Variants in CSMD3 observed in about 807,000 individuals in gnomAD.
CSMD3 encodes CUB and sushi domain-containing protein 3.
A neutral mutation model predicts 435.2 loss-of-function variants in CSMD3; 177 were observed. The observed-to-expected ratio is 0.41, with a 90% confidence interval of 0.36 to 0.46. The LOEUF (loss-of-function observed/expected upper bound fraction) is 0.46, where lower values mean the gene tolerates loss of function less well. Among genes scored for constraint, CSMD3 ranks in the 20% least tolerant of loss-of-function variants. CSMD3 has a pLI of 0.34. For missense variants in CSMD3, 4,265 were observed against 4,504.6 expected (o/e 0.95, Z 1.52); for synonymous variants, 1,656 against 1,520.5 (o/e 1.09, Z -2.07).
At chr8:112,317,299 A>G (rs1320078077) in intron 47 of CSMD3, among the ~76,000 whole-genome samples, 2 of 152,022 alleles carry the variant, frequency 1.3e-5, no homozygotes, top group African/African-American at 4.8e-5. Flanking sequence ...TCTGAATGTT[A>G]TATTTACTTT....
At position 112,487,211 on chromosome 8, in the gene CSMD3, C is replaced by T. The variant is rs139767904; in HGVS notation, c.5278+5278G>A. ...AATCTTTATTCAGGATATAGAGTTG[C>T]AATTTTAGAATAGATATTGATTCTG... On this transcript the variant is annotated intron_variant, in intron 31 of 70. Coordinates refer to ENST00000297405, the MANE Select transcript of CSMD3 (RefSeq NM_198123.2). 1.3e-3 allele frequency among the ~76,000 whole-genome samples: 191 copies of T among 152,198 alleles called. 1 individual carries two copies. The highest frequency in any genetic ancestry group is 4.6e-3 in the African/African-American group (189 of 41,512).
intron 24 of CSMD3, among the ~76,000 whole-genome samples, chr8:112,571,578 A>G (rs1829518603): frequency 6.6e-6 from 1 of 151,788 alleles, no homozygotes; most frequent in Non-Finnish European, 1.5e-5. Context: ...TCAGACAAGC[A>G]GAAATGCAGG....
At chr8:112,506,597 A>G in intron 29 of CSMD3, 94 bp downstream of exon 29, 1 of 1,211,952 alleles carries the variant, frequency 8.3e-7, no homozygotes, top group Non-Finnish European at 1.2e-6. Flanking sequence ...AAAATGCTAT[A>G]TACAGAAATA....
intron 50 of CSMD3, among the ~76,000 whole-genome samples, chr8:112,308,475 T>C (rs935355929): frequency 2.0e-5 from 3 of 151,986 alleles, no homozygotes; most frequent in Admixed American, 2.0e-4. Flanking sequence ...CTATGGATAG[T>C]TAACAATTTA....
intron 9 of CSMD3, among the ~76,000 whole-genome samples, chr8:112,928,051 C>A (rs1564114085): frequency 6.6e-6 from 1 of 152,104 alleles, no homozygotes; most frequent in Non-Finnish European, 1.5e-5. Context: ...CTCCAATACT[C>A]AGCTTCAGAT....
rs181910947 is a variant in CSMD3 at position 112,550,492 on chromosome 8, G to A, written c.4564+179C>T. Reference sequence around the variant, plus strand: ...TCTCAACAATCAATATTCAAAGTTAGTTGTATTACCTTTTTCCCATGTATA... The same window carrying A: ...TCTCAACAATCAATATTCAAAGTTAATTGTATTACCTTTTTCCCATGTATA... On this transcript the variant is annotated intron_variant, in intron 27 of 70. Transcript: ENST00000297405. 3.5e-3 allele frequency among the ~76,000 whole-genome samples: 539 copies of A among 151,928 alleles called. 2 individuals carry two copies. Among genetic ancestry groups the A allele is most frequent in the African/African-American group, 0.012 (516 of 41,492 alleles).
At chr8:112,896,146 G>A (rs972149153) in intron 10 of CSMD3, among the ~76,000 whole-genome samples, 1 of 151,370 alleles carries the variant, frequency 6.6e-6, no homozygotes, top group African/African-American at 2.4e-5. Flanking sequence ...AGGCTCCAGA[G>A]CTTTTACTTG....
intron 5 of CSMD3, among the ~76,000 whole-genome samples, chr8:113,050,178 G>T (rs969805884): frequency 1.3e-5 from 2 of 151,860 alleles, no homozygotes; most frequent in African/African-American, 4.8e-5. Flanking sequence ...ATAGATCTGA[G>T]TAATGTATAT....
chr8:112,862,522 G>A (rs960501593), intron 10 of CSMD3, among the ~76,000 whole-genome samples: 25 of 151,984 alleles, frequency 1.6e-4, no homozygotes, highest in African/African-American at 6.0e-4. Flanking sequence ...AAGAAGACAT[G>A]TAGAACAGAC....
In CSMD3 at chr8:112,685,576, T is replaced by C. The variant is rs780271924; in HGVS notation, c.2312A>G (p.Gln771Arg). Residue 771 changes from glutamine to arginine, a missense_variant, in exon 15 of 71, where the codon CAG becomes CGG. Physicochemically the swap from Gln to Arg is conservative, Grantham distance 43. Transcript: ENST00000297405. ...LSFNDFDLES[Q>R]FDFLAVKDGD... ...ATCTTTAACAGCAAGGAAATCAAAC[T>C]GGGATTCCAGGTCAAAGTCATTGAA... is the stretch of plus-strand genomic sequence containing the variant. The C allele has an allele frequency of 8.1e-6, 13 of 1,613,970 alleles. No individual in the cohort carries two copies. The highest frequency in any genetic ancestry group is 1.1e-5 in the Non-Finnish European group (13 of 1,179,946).
At chr8:112,818,280 A>C (rs1236594040) in intron 12 of CSMD3, among the ~76,000 whole-genome samples, 1 of 152,142 alleles carries the variant, frequency 6.6e-6, no homozygotes, top group Non-Finnish European at 1.5e-5. Context: ...GTGTTTATTA[A>C]AATAATTAGA....
intron 13 of CSMD3, among the ~76,000 whole-genome samples, chr8:112,781,496 G>T (rs549099256): frequency 6.6e-6 from 1 of 152,228 alleles, no homozygotes; most frequent in South Asian, 2.1e-4. Context: ...GGACCAGAAA[G>T]AAACCAACCA....
chr8:112,706,812 C>T (rs2076507976), intron 13 of CSMD3, among the ~76,000 whole-genome samples: 1 of 152,014 alleles, frequency 6.6e-6, no homozygotes, highest in Admixed American at 6.6e-5. Flanking sequence ...GATATACAGT[C>T]AATTAAAGAG....
At chr8:112,425,158 AG>A (rs1173115387) in intron 32 of CSMD3, among the ~76,000 whole-genome samples, 1 of 152,230 alleles carries the variant, frequency 6.6e-6, no homozygotes, top group African/African-American at 2.4e-5. Flanking sequence ...TCATGTAAAT[AG>A]GATCATTATC....
chr8:112,374,640 T>C (rs1828768208), intron 38 of CSMD3, among the ~76,000 whole-genome samples: 1 of 152,214 alleles, frequency 6.6e-6, no homozygotes, highest in African/African-American at 2.4e-5. Context: ...ATATTTACTT[T>C]AATTCAGGAA....
At chr8:112,853,005 T>C (rs2080538327) in intron 11 of CSMD3, among the ~76,000 whole-genome samples, 1 of 152,200 alleles carries the variant, frequency 6.6e-6, no homozygotes, top group South Asian at 2.1e-4. Context: ...TTTTTATTAG[T>C]AATGTTATAT....
At chr8:112,249,095 C>T (rs1057209799) in intron 63 of CSMD3, among the ~76,000 whole-genome samples, 1 of 152,048 alleles carries the variant, frequency 6.6e-6, no homozygotes, top group Non-Finnish European at 1.5e-5. Flanking sequence ...TCAGTCAAAC[C>T]AGTTCTACAA....
At chr8:113,388,992 T>A (rs1258541762) in intron 1 of CSMD3, among the ~76,000 whole-genome samples, 1 of 150,872 alleles carries the variant, frequency 6.6e-6, no homozygotes, top group South Asian at 2.1e-4. Flanking sequence ...TTCTCTTCTC[T>A]TTTTCTACCT....
chr8:112,420,019 T>C (rs969546815), intron 32 of CSMD3, among the ~76,000 whole-genome samples: 2 of 152,226 alleles, frequency 1.3e-5, no homozygotes, highest in Non-Finnish European at 2.9e-5. Context: ...TGTGTGCTTT[T>C]ATTTAATCAC....
Sources: gnomAD v4.1 joint callset for allele counts (sites outside exome capture counted in the v4.1 genomes callset) on GRCh38, gnomAD v4.1.1 for gene constraint, MANE v1.5 for transcripts, NCBI Gene and HGNC (gene_info 2026-07-23, HGNC 2026-07-21) for gene names.